PTCHD4: variants seen among roughly 807,000 people sequenced by gnomAD.
PTCHD4 encodes patched domain-containing protein 4.
A neutral mutation model predicts 58.1 loss-of-function variants in PTCHD4; 33 were observed. The ratio of observed to expected loss-of-function variants is 0.57; its 90% CI spans 0.43 to 0.76. The LOEUF is 0.76. Ranked by LOEUF, PTCHD4 falls within the 30% of genes least tolerant of loss-of-function variation. The pLI, the probability that PTCHD4 is intolerant of heterozygous loss-of-function variation, is 0.00. For missense variants in PTCHD4, 1,058 were observed against 1,027.1 expected, an observed-to-expected ratio of 1.03 and a Z score of -0.41; for synonymous variants, 478 against 409.6, an observed-to-expected ratio of 1.17 and a Z score of -2.02.
At chr6:47,928,683 T>G (rs1406958899) in intron 4 of PTCHD4, among the ~76,000 whole-genome samples, 2 of 152,218 alleles carry the variant, frequency 1.3e-5, no homozygotes, top group African/African-American at 4.8e-5. Flanking sequence ...TTCAGATATA[T>G]ATCACATTAT....
chr6:47,857,406 A>C lies in PTCHD4; in HGVS notation c.*20897T>G, dbSNP rs1473804825. 6.6e-6 allele frequency among the ~76,000 whole-genome samples: 1 copy of C among 152,034 alleles called. No individual in the cohort carries two copies. Among genetic ancestry groups the C allele is most frequent in the Non-Finnish European group, 1.5e-5 (1 of 67,970 alleles). On this transcript the variant is annotated 3_prime_UTR_variant, in exon 5 of 5. Transcript: ENST00000339488. ...CATTAAAAAGTATCTTGCTTCTTAA[A>C]ACTTCTGCACTGCAGCAAGACGGTA...
chr6:48,095,904 A>T (rs1030378956), intron 1 of PTCHD4, among the ~76,000 whole-genome samples: 9 of 152,100 alleles, frequency 5.9e-5, no homozygotes, highest in South Asian at 2.1e-4. Context: ...TCATATTATC[A>T]TCTAAATAAT....
At chr6:48,059,880 C>T (rs962804821) in intron 3 of PTCHD4, among the ~76,000 whole-genome samples, 4 of 152,188 alleles carry the variant, frequency 2.6e-5, no homozygotes, top group African/African-American at 9.7e-5. Context: ...CATTAACCCA[C>T]CCCTGTGTGT....
intron 1 of PTCHD4, among the ~76,000 whole-genome samples, chr6:48,104,723 C>T (rs532388697): frequency 2.2e-4 from 34 of 152,216 alleles, no homozygotes; most frequent in Non-Finnish European, 2.8e-4. Flanking sequence ...TGTGCAGAGA[C>T]ACACATAGGC....
intron 1 of PTCHD4, among the ~76,000 whole-genome samples, chr6:48,102,980 C>A (rs1362079312): frequency 6.6e-6 from 1 of 152,224 alleles, no homozygotes; most frequent in Non-Finnish European, 1.5e-5. Flanking sequence ...TGGAGCCCAC[C>A]ACAGCTCAAA....
intron 3 of PTCHD4, among the ~76,000 whole-genome samples, chr6:48,046,838 C>G (rs1764050655): frequency 6.6e-6 from 1 of 151,750 alleles, no homozygotes; most frequent in Admixed American, 6.6e-5. Flanking sequence ...TAAGTTGTTC[C>G]TCTTTGGGGC....
intron 3 of PTCHD4, among the ~76,000 whole-genome samples, chr6:48,029,718 T>G (rs1763369931): frequency 6.6e-6 from 1 of 152,122 alleles, no homozygotes; most frequent in Non-Finnish European, 1.5e-5. Flanking sequence ...GTTATTTGCA[T>G]AAGTTCAAAC....
intron 4 of PTCHD4, among the ~76,000 whole-genome samples, chr6:47,965,080 C>A (rs1767234303): frequency 6.6e-6 from 1 of 152,086 alleles, no homozygotes; most frequent in Non-Finnish European, 1.5e-5. Flanking sequence ...TTCTCATGAG[C>A]CACATTTACT....
intron 4 of PTCHD4, among the ~76,000 whole-genome samples, chr6:47,952,790 AC>A (rs747736137): frequency 3.9e-5 from 6 of 152,070 alleles, no homozygotes; most frequent in Non-Finnish European, 7.4e-5. Flanking sequence ...GTGTAAGTGC[AC>A]TGTACGGTGT....
At position 47,867,561 on chromosome 6, in the gene PTCHD4, G is replaced by A. The variant is rs138694514; in HGVS notation, c.*10742C>T. ...CTTTATAATACCACTCACAATGGGC[G>A]CTTCCTTTTTATTCCCATCTGTAAC... On this transcript the variant is annotated 3_prime_UTR_variant, in exon 5 of 5. Coordinates refer to ENST00000339488, the MANE Select transcript of PTCHD4 (RefSeq NM_001384253.1). 1.3e-3 allele frequency among the ~76,000 whole-genome samples: 195 copies of A among 151,694 alleles called. 2 individuals carry two copies. In the South Asian group the frequency reaches 0.013, roughly 10 times the overall value.
chr6:48,029,682 G>A (rs1024503593), intron 3 of PTCHD4, among the ~76,000 whole-genome samples: 1 of 152,018 alleles, frequency 6.6e-6, no homozygotes, highest in Non-Finnish European at 1.5e-5. Context: ...CGCTTATTGA[G>A]TGTTCTTATT....
Position 47,983,945 on chromosome 6 carries a change from A to C in PTCHD4, c.898+24689T>G, listed in dbSNP as rs535091320. Reference sequence around the variant, plus strand: ...TTACATATGTAATATTTAAACAAAAATAATAACATATTTCATTCCCATTGT... The same window carrying C: ...TTACATATGTAATATTTAAACAAAACTAATAACATATTTCATTCCCATTGT... On this transcript the variant is annotated intron_variant, in intron 4 of 4. Transcript: ENST00000339488. Among the ~76,000 whole-genome samples the C allele has an allele frequency of 3.9e-5, 6 of 152,314 alleles. No homozygotes were observed. The East Asian group carries it at 1.2e-3, about 29-fold the overall frequency.
At chr6:48,016,451 C>T (rs1762872290) in intron 3 of PTCHD4, among the ~76,000 whole-genome samples, 1 of 151,932 alleles carries the variant, frequency 6.6e-6, no homozygotes, top group African/African-American at 2.4e-5. Context: ...GGAAAGAGCT[C>T]AGTTAGGAAG....
At chr6:48,037,666 T>C (rs1763688486) in intron 3 of PTCHD4, among the ~76,000 whole-genome samples, 1 of 152,100 alleles carries the variant, frequency 6.6e-6, no homozygotes, top group Non-Finnish European at 1.5e-5. Context: ...AGATCAAAGA[T>C]TTGAAAAGTC....
chr6:47,950,065 G>A (rs1333186838), intron 4 of PTCHD4, among the ~76,000 whole-genome samples: 3 of 126,354 alleles, frequency 2.4e-5, no homozygotes, highest in East Asian at 4.5e-4. Context: ...GGAGTGTGAC[G>A]TTCCCCTTCC....
At chr6:47,960,452 T>C (rs1345670208) in intron 4 of PTCHD4, among the ~76,000 whole-genome samples, 3 of 152,098 alleles carry the variant, frequency 2.0e-5, no homozygotes, top group Admixed American at 6.5e-5. Context: ...CTGTATTTTG[T>C]CTACAAGAAA....
chr6:48,022,612 G>A (rs1158210504), intron 3 of PTCHD4, among the ~76,000 whole-genome samples: 2 of 152,098 alleles, frequency 1.3e-5, no homozygotes, highest in African/African-American at 2.4e-5. Context: ...TAGGAGACGA[G>A]GGTGCAACAG....
intron 1 of PTCHD4, among the ~76,000 whole-genome samples, chr6:48,106,609 A>G (rs1318375173): frequency 1.3e-5 from 2 of 152,186 alleles, no homozygotes; most frequent in East Asian, 3.9e-4. Flanking sequence ...CAGGGCAATC[A>G]GGCAGGAGAA....
At chr6:48,075,327 G>T (rs1432705894) in intron 1 of PTCHD4, among the ~76,000 whole-genome samples, 1 of 151,784 alleles carries the variant, frequency 6.6e-6, no homozygotes, top group Non-Finnish European at 1.5e-5. Context: ...ACTCACTTTT[G>T]TCCCATTTAT....
Sources: gnomAD v4.1 joint callset for allele counts (sites outside exome capture counted in the v4.1 genomes callset) on GRCh38, gnomAD v4.1.1 for gene constraint, MANE v1.5 for transcripts, NCBI Gene and HGNC (gene_info 2026-07-23, HGNC 2026-07-21) for gene names.